Variants in UBXN7 observed in about 807,000 individuals in gnomAD.
UBXN7 encodes the protein UBX domain protein 7.
Under a neutral mutation model 58.0 loss-of-function variants are expected in UBXN7, and 9 were observed. That is an observed-to-expected ratio of 0.16 (90% CI 0.09 to 0.27). The LOEUF (loss-of-function observed/expected upper bound fraction) is 0.27. UBXN7 is among the 10% of genes least tolerant of loss of function. The probability of loss-of-function intolerance (pLI) is 1.00; values close to 1 mark genes in which losing one functional copy is unlikely to be tolerated. For missense variants in UBXN7, 328 were observed against 599.6 expected (o/e 0.55, Z 4.73); for synonymous variants, 208 against 205.0 (o/e 1.01, Z -0.12).
chr3:196,362,256 T>C (rs371927792), intron 9 of UBXN7, 38 bp downstream of exon 9: 180 of 1,547,426 alleles, frequency 1.2e-4, no homozygotes, highest in Middle Eastern at 5.2e-4. Context: ...GGCCCCAATA[T>C]CTAAGTTTGA....
chr3:196,418,882 C>T (rs1003281495), intron 1 of UBXN7, among the ~76,000 whole-genome samples: 2 of 152,172 alleles, frequency 1.3e-5, no homozygotes, highest in Admixed American at 6.5e-5. Context: ...GACTACTTTG[C>T]CATCCTATCT....
rs1283437054 is a variant in UBXN7, at chr3:196,355,528, T to C, written c.*1157A>G. 2 of 152,326 alleles carry C rather than the reference T, an allele frequency of 1.3e-5. No individual in the cohort carries two copies. The highest frequency in any genetic ancestry group is 3.4e-3 in the Middle Eastern group (1 of 294). The allele number at this position is 152,326 out of a possible 1,614,324, so 9.4% of individuals were successfully genotyped here. A position where few individuals can be genotyped will look rare whatever the true frequency, so the allele number is the denominator to read the frequency against. ...GAATGGAGTTGAAAGGTCTTCCCCT[T>C]AGAGAGGCTTTCCGTTTTGATACCT... On this transcript the variant is annotated 3_prime_UTR_variant, in exon 11 of 11. Transcript: ENST00000296328.
intron 5 of UBXN7, among the ~76,000 whole-genome samples, chr3:196,383,723 C>T (rs1269830404): frequency 1.3e-5 from 2 of 152,134 alleles, no homozygotes; most frequent in Non-Finnish European, 2.9e-5. Flanking sequence ...GAAATGAAGG[C>T]AGAAATAATG....
At chr3:196,372,497 A>G (rs2108833776) in intron 5 of UBXN7, among the ~76,000 whole-genome samples, 1 of 152,056 alleles carries the variant, frequency 6.6e-6, no homozygotes, top group Admixed American at 6.6e-5. Context: ...GTGCCCCAAC[A>G]CGCCTGGCTG....
intron 1 of UBXN7, among the ~76,000 whole-genome samples, chr3:196,423,963 C>T (rs1187722511): frequency 6.7e-6 from 1 of 148,790 alleles, no homozygotes; most frequent in Non-Finnish European, 1.5e-5. Flanking sequence ...GATCTTGGCT[C>T]TCTGCAACCT....
At chr3:196,418,389 T>C (rs1432293366) in intron 1 of UBXN7, among the ~76,000 whole-genome samples, 1 of 152,218 alleles carries the variant, frequency 6.6e-6, no homozygotes, top group Non-Finnish European at 1.5e-5. Flanking sequence ...ATATAGCTTA[T>C]GGAGAAATAC....
intron 1 of UBXN7, among the ~76,000 whole-genome samples, chr3:196,429,781 G>C (rs1159441968): frequency 6.6e-6 from 1 of 152,142 alleles, no homozygotes; most frequent in Non-Finnish European, 1.5e-5. Context: ...ATTATCAATA[G>C]AAATTCACAA....
At chr3:196,402,401 A>G (rs1341104519) in intron 3 of UBXN7, among the ~76,000 whole-genome samples, 1 of 152,164 alleles carries the variant, frequency 6.6e-6, no homozygotes, top group Non-Finnish European at 1.5e-5. Flanking sequence ...TTGTAATTCC[A>G]TCTTGTATTT....
intron 1 of UBXN7, among the ~76,000 whole-genome samples, chr3:196,427,326 A>G (rs149848246): frequency 4.6e-5 from 7 of 152,166 alleles, no homozygotes; most frequent in Non-Finnish European, 8.8e-5. Flanking sequence ...CAGCACATAT[A>G]CTAAAATTGG....
chr3:196,406,001 G>A (rs1323182289), intron 2 of UBXN7, among the ~76,000 whole-genome samples: 5 of 151,832 alleles, frequency 3.3e-5, no homozygotes, highest in Non-Finnish European at 7.4e-5. Context: ...TCAAGTTTCT[G>A]TATTAGGTGG....
intron 5 of UBXN7, among the ~76,000 whole-genome samples, chr3:196,376,565 A>AG (rs1446657539): frequency 5.3e-5 from 8 of 149,948 alleles, no homozygotes; most frequent in Admixed American, 1.3e-4. Flanking sequence ...AAAAAAAAAA[A>AG]AAAGAAAAGA....
At chr3:196,392,116 G>C (rs1729602903) in intron 4 of UBXN7, among the ~76,000 whole-genome samples, 191 bp from the exon 5 acceptor site, 1 of 151,952 alleles carries the variant, frequency 6.6e-6, no homozygotes, top group Admixed American at 6.6e-5. Context: ...CTTAAGACTT[G>C]GTGGTATTCC....
At chr3:196,380,648 G>A (rs377006319) in intron 5 of UBXN7, among the ~76,000 whole-genome samples, 12 of 152,354 alleles carry the variant, frequency 7.9e-5, no homozygotes, top group African/African-American at 2.6e-4. Flanking sequence ...TGCAGCCCAC[G>A]GAGGGCGAGC....
chr3:196,406,082 G>C (rs1730153440), intron 2 of UBXN7, among the ~76,000 whole-genome samples: 1 of 151,712 alleles, frequency 6.6e-6, no homozygotes, highest in South Asian at 2.1e-4. Context: ...ATCCAGGTTG[G>C]AGTGCAGTGG....
chr3:196,363,242 AC>A (rs1428316332), intron 8 of UBXN7, among the ~76,000 whole-genome samples: 12 of 119,964 alleles, frequency 1.0e-4, no homozygotes, highest in Non-Finnish European at 1.7e-4. Context: ...ATACATACAT[AC>A]ATACATAAAT....
intron 5 of UBXN7, among the ~76,000 whole-genome samples, chr3:196,384,044 G>A (rs1035670377): frequency 3.3e-5 from 5 of 152,142 alleles, no homozygotes; most frequent in Admixed American, 6.5e-5. Context: ...AAAATTGATA[G>A]ACCACTAGCA....
intron 1 of UBXN7, among the ~76,000 whole-genome samples, chr3:196,422,676 T>C (rs758449636): frequency 5.3e-5 from 8 of 152,194 alleles, no homozygotes; most frequent in Non-Finnish European, 1.2e-4. Flanking sequence ...CAAAGTGACT[T>C]TGGAAAGTCA....
rs1728227882 is a variant in UBXN7, at chr3:196,352,043, C to CAAAAGGTGGAGCTAAAGA, written c.*4624_*4641dup. 2 of 152,146 alleles carry CAAAAGGTGGAGCTAAAGA rather than the reference C, an allele frequency of 1.3e-5. No individual in the cohort carries two copies. The highest frequency in any genetic ancestry group is 4.8e-5 in the African/African-American group (2 of 41,442). 9.4% of individuals were successfully genotyped at this position (152,146 alleles called of 1,614,324 possible). A position where few individuals can be genotyped will look rare whatever the true frequency, so the allele number is the denominator to read the frequency against. ...CTTCATGCCCCAAATCTAGAAGTTACAAAAGGTGGAGCTAAAGAAAAAGGT... is the reference window on the plus strand; with the variant it reads ...CTTCATGCCCCAAATCTAGAAGTTACAAAAGGTGGAGCTAAAGAAAAAGGTGGAGCTAAAGAAAAAGGT... On this transcript the variant is annotated 3_prime_UTR_variant, in exon 11 of 11. Coordinates refer to ENST00000296328, the MANE Select transcript of UBXN7 (RefSeq NM_015562.2). This position sits in a 1 kb window ranked among gnomAD's most constrained non-coding sequence, Gnocchi z 4.1.
chr3:196,377,432 C>T (rs367817852), intron 5 of UBXN7, among the ~76,000 whole-genome samples: 8 of 152,156 alleles, frequency 5.3e-5, no homozygotes, highest in East Asian at 3.8e-4. Context: ...GAAATCTTCC[C>T]TAATCTTCCT....
Sources: allele counts gnomAD v4.1 joint callset (sites outside exome capture counted in the v4.1 genomes callset), GRCh38; gene constraint gnomAD v4.1.1; non-coding constraint Gnocchi (gnomAD v3.1); transcripts MANE v1.5; gene names NCBI Gene and HGNC (gene_info 2026-07-23, HGNC 2026-07-21).